Variants in GPR158 observed in about 807,000 individuals in gnomAD.
GPR158 encodes the protein G protein-coupled receptor 158.
GPR158 carries 30 observed loss-of-function variants against 78.2 expected under a neutral mutation model. That is an observed-to-expected ratio of 0.38 (90% CI 0.29 to 0.52). The LOEUF (loss-of-function observed/expected upper bound fraction) is 0.52, where lower values mean the gene tolerates loss of function less well. Ranked by LOEUF, GPR158 falls within the 20% of genes least tolerant of loss-of-function variation. The pLI, the probability that GPR158 is intolerant of heterozygous loss-of-function variation, is 0.83. For missense variants in GPR158, 1,463 were observed against 1,523.5 expected (o/e 0.96, Z 0.66); for synonymous variants, 581 against 591.1 (o/e 0.98, Z 0.25).
At chr10:25,536,188 T>C (rs1288427943) in intron 5 of GPR158, among the ~76,000 whole-genome samples, 2 of 152,172 alleles carry the variant, frequency 1.3e-5, no homozygotes, top group South Asian at 2.1e-4. Flanking sequence ...AATAAAAGTC[T>C]TCAATTTTTA....
chr10:25,591,653 G>A (rs1837342240), intron 8 of GPR158, among the ~76,000 whole-genome samples: 1 of 152,140 alleles, frequency 6.6e-6, no homozygotes, highest in Admixed American at 6.6e-5. Context: ...GTGTGACACA[G>A]AAAGACTAAC....
At chr10:25,184,094 T>C (rs538428770) in intron 1 of GPR158, among the ~76,000 whole-genome samples, 84 of 152,348 alleles carry the variant, frequency 5.5e-4, no homozygotes, top group South Asian at 2.3e-3. Flanking sequence ...CAGGGTCTCT[T>C]CAACGACAAA....
chr10:25,371,315 C>T (rs989905494), intron 2 of GPR158, among the ~76,000 whole-genome samples: 6 of 151,754 alleles, frequency 4.0e-5, no homozygotes, highest in African/African-American at 9.7e-5. Context: ...ACCAGTTGTT[C>T]CTTTCCATGT....
intron 7 of GPR158, among the ~76,000 whole-genome samples, chr10:25,584,623 G>A (rs1202442222): frequency 6.6e-6 from 1 of 152,204 alleles, no homozygotes; most frequent in Non-Finnish European, 1.5e-5. Context: ...AGCTACGTGT[G>A]AATCCTTCAA....
intron 8 of GPR158, among the ~76,000 whole-genome samples, chr10:25,593,040 AG>A (rs1837362253): frequency 6.6e-6 from 1 of 152,020 alleles, no homozygotes; most frequent in African/African-American, 2.4e-5. Flanking sequence ...AAGTTAGAGA[AG>A]ATGGTTAGCC....
At chr10:25,441,524 C>T (rs568028177) in intron 4 of GPR158, among the ~76,000 whole-genome samples, 2 of 152,154 alleles carry the variant, frequency 1.3e-5, no homozygotes, top group Non-Finnish European at 2.9e-5. Flanking sequence ...GGGTGGCTGT[C>T]ATTTAAATCT....
At chr10:25,564,981 A>G (rs1836909605) in intron 6 of GPR158, among the ~76,000 whole-genome samples, 1 of 152,180 alleles carries the variant, frequency 6.6e-6, no homozygotes, top group Admixed American at 6.5e-5. Flanking sequence ...AAACAGGTAG[A>G]TAACTGCCAT....
chr10:25,219,479 C>G (rs1244696912), intron 1 of GPR158, among the ~76,000 whole-genome samples: 1 of 152,104 alleles, frequency 6.6e-6, no homozygotes, highest in Non-Finnish European at 1.5e-5. Context: ...AGAATGGGGT[C>G]TATATATCTG....
chr10:25,473,698 G>A (rs553409124), intron 5 of GPR158, among the ~76,000 whole-genome samples: 10 of 152,098 alleles, frequency 6.6e-5, no homozygotes, highest in Middle Eastern at 3.4e-3. Context: ...TGTATGTGTC[G>A]AGGAATTTAT....
At chr10:25,504,384 A>G (rs940433519) in intron 5 of GPR158, among the ~76,000 whole-genome samples, 2 of 152,062 alleles carry the variant, frequency 1.3e-5, no homozygotes, top group East Asian at 3.9e-4. Context: ...TTTTATCTTT[A>G]TTTGCTCCAA....
chr10:25,178,267 T>G (rs768159610), intron 1 of GPR158, among the ~76,000 whole-genome samples: 73 of 152,340 alleles, frequency 4.8e-4, no homozygotes, highest in Admixed American at 1.0e-3. Context: ...TTAAGCCCAC[T>G]TCATACTTCA....
intron 2 of GPR158, among the ~76,000 whole-genome samples, chr10:25,392,761 A>T (rs1588842384): frequency 6.6e-6 from 1 of 152,144 alleles, no homozygotes; most frequent in South Asian, 2.1e-4. Context: ...CGAGGGAATC[A>T]TGGTGGTGGG....
Position 25,248,927 on chromosome 10 carries a change from T to C in GPR158, c.1008+27770T>C, listed in dbSNP as rs746256157. On this transcript the variant is annotated intron_variant, in intron 2 of 10. Coordinates refer to ENST00000376351, the MANE Select transcript of GPR158 (RefSeq NM_020752.3). ...GGGCAGTATGGCCATTTTCATGATATTGATTCTTCCTACCCATGAGCATGG... is the reference window on the plus strand; with the variant it reads ...GGGCAGTATGGCCATTTTCATGATACTGATTCTTCCTACCCATGAGCATGG... Among the ~76,000 whole-genome samples, 363 of 151,354 alleles carry C rather than the reference T, an allele frequency of 2.4e-3. 2 individuals carry two copies. Among genetic ancestry groups the C allele is most frequent in the Middle Eastern group, 6.8e-3 (2 of 294 alleles).
chr10:25,360,814 T>G (rs1855625788), intron 2 of GPR158, among the ~76,000 whole-genome samples: 1 of 152,128 alleles, frequency 6.6e-6, no homozygotes, highest in Non-Finnish European at 1.5e-5. Context: ...CATTGGTAGC[T>G]TGATAGGGAT....
At chr10:25,237,703 ATC>A (rs530720432) in intron 2 of GPR158, among the ~76,000 whole-genome samples, 1 of 152,160 alleles carries the variant, frequency 6.6e-6, no homozygotes, top group Non-Finnish European at 1.5e-5. Flanking sequence ...TTAAAGCTGC[ATC>A]TCTCTCTCTG....
At chr10:25,369,427 A>G (rs1351239045) in intron 2 of GPR158, among the ~76,000 whole-genome samples, 1 of 149,158 alleles carries the variant, frequency 6.7e-6, no homozygotes, top group African/African-American at 2.5e-5. Flanking sequence ...TGAGATAATC[A>G]TGTGGTTTTT....
At chr10:25,258,031 A>T (rs1265420111) in intron 2 of GPR158, among the ~76,000 whole-genome samples, 1 of 152,244 alleles carries the variant, frequency 6.6e-6, no homozygotes, top group African/African-American at 2.4e-5. Context: ...CCAAGGCTAT[A>T]CACTGAAGAA....
chr10:25,507,217 A>G lies in GPR158; in HGVS notation c.1404+40498A>G, dbSNP rs138049955. 1.8e-4 allele frequency among the ~76,000 whole-genome samples: 27 copies of G among 152,276 alleles called. 1 individual carries two copies. The highest frequency in any genetic ancestry group is 3.8e-4 in the Non-Finnish European group (26 of 68,006). The stretch of plus-strand genomic sequence containing the variant: ...CAAGAAAAATCATATGGCTGTTCCT[A>G]ATTTTAAGAGGAAGAAGTGGAATGG... On this transcript the variant is annotated intron_variant, in intron 5 of 10. Transcript: ENST00000376351.
At chr10:25,392,804 G>GA (rs1175311579) in intron 2 of GPR158, among the ~76,000 whole-genome samples, 1 of 151,862 alleles carries the variant, frequency 6.6e-6, no homozygotes, top group East Asian at 1.9e-4. Flanking sequence ...CAAGTTTATT[G>GA]AAAATTTACA....
Sources: gnomAD v4.1 joint callset for allele counts (sites outside exome capture counted in the v4.1 genomes callset) on GRCh38, gnomAD v4.1.1 for gene constraint, MANE v1.5 for transcripts, NCBI Gene and HGNC (gene_info 2026-07-23, HGNC 2026-07-21) for gene names.